GFPT1: variants seen among roughly 807,000 people sequenced by gnomAD.
GFPT1 encodes the protein glutamine--fructose-6-phosphate aminotransferase [isomerizing] 1.
Under a neutral mutation model 92.0 loss-of-function variants are expected in GFPT1, and 40 were observed. The observed-to-expected ratio is 0.43, with a 90% CI of 0.34 to 0.57. GFPT1 has a LOEUF of 0.57. Among genes scored for constraint, GFPT1 ranks in the 20% least tolerant of loss-of-function variants. The pLI is 0.02. For synonymous variants in GFPT1, 269 were observed against 280.6 expected (o/e 0.96, Z 0.41); for missense variants, 448 against 869.1 (o/e 0.52, Z 6.09).
At chr2:69,363,246 A>G (rs930081289) in intron 4 of GFPT1, among the ~76,000 whole-genome samples, 6 of 152,070 alleles carry the variant, frequency 3.9e-5, no homozygotes, top group African/African-American at 1.2e-4. Flanking sequence ...TGAGACTACA[A>G]GCATGCACCA....
chr2:69,364,201 T>G (rs1479723983), intron 3 of GFPT1, among the ~76,000 whole-genome samples: 1 of 151,574 alleles, frequency 6.6e-6, no homozygotes, highest in Non-Finnish European at 1.5e-5. Flanking sequence ...ACCTACTATA[T>G]ACCCACAAAA....
At chr2:69,327,847 A>C (rs1013490606) in intron 18 of GFPT1, among the ~76,000 whole-genome samples, 3 of 152,140 alleles carry the variant, frequency 2.0e-5, no homozygotes, top group African/African-American at 7.2e-5. Context: ...TCATGCCTGT[A>C]ATCCCAGAAC....
intron 12 of GFPT1, 149 bp from the exon 13 acceptor site, chr2:69,342,398 A>G (rs1670974344): frequency 3.1e-6 from 2 of 645,022 alleles, no homozygotes; most frequent in Admixed American, 2.7e-5. Flanking sequence ...GTTCTCTGTA[A>G]TTTTGAAAAG....
At chr2:69,361,174 G>T (rs1671463061) in intron 4 of GFPT1, among the ~76,000 whole-genome samples, 1 of 151,986 alleles carries the variant, frequency 6.6e-6, no homozygotes, top group Non-Finnish European at 1.5e-5. Context: ...CTTGCCGGGT[G>T]CGGTGGCTCA....
intron 1 of GFPT1, among the ~76,000 whole-genome samples, chr2:69,384,236 T>C (rs1324099320): frequency 6.6e-6 from 1 of 152,198 alleles, no homozygotes; most frequent in African/African-American, 2.4e-5. Flanking sequence ...CGCGATTTAA[T>C]ATGTTGCTTC....
chr2:69,330,338 T>C (rs993212309), intron 15 of GFPT1, among the ~76,000 whole-genome samples: 18 of 152,170 alleles, frequency 1.2e-4, no homozygotes, highest in African/African-American at 4.3e-4. Context: ...AAACACCTTA[T>C]AACCCATTGA....
intron 7 of GFPT1, among the ~76,000 whole-genome samples, chr2:69,356,229 G>A (rs1671334519): frequency 6.6e-6 from 1 of 152,014 alleles, no homozygotes; most frequent in East Asian, 1.9e-4. Flanking sequence ...CCTGACCTCA[G>A]ATGATCCGCC....
intron 15 of GFPT1, chr2:69,334,617 G>A (rs574142541): frequency 6.6e-6 from 1 of 152,268 alleles, no homozygotes; most frequent in African/African-American, 2.4e-5. Context: ...CCAATAGTGG[G>A]TCACTAGAAC....
intron 18 of GFPT1, among the ~76,000 whole-genome samples, 196 bp downstream of exon 18, chr2:69,328,075 G>A (rs907597738): frequency 2.2e-4 from 32 of 147,232 alleles, no homozygotes; most frequent in Non-Finnish European, 3.9e-4. Flanking sequence ...CTCCAGGGTG[G>A]GTGACAGAGA....
At position 69,358,159 on chromosome 2, in the gene GFPT1, G is replaced by T. The variant is rs1169338473; in HGVS notation, c.543+170C>A. 2.0e-5 allele frequency among the ~76,000 whole-genome samples: 3 copies of T among 151,514 alleles called. No individual in the cohort carries two copies. The East Asian group carries it at 5.8e-4, about 29-fold the overall frequency. ...TAGAATTTTAAATGGAGGGTGGGGG[G>T]GAATCAATAAATCAATCAGTTTCTC... On this transcript the variant is annotated intron_variant, in intron 6 of 19. Transcript: ENST00000357308.
chr2:69,382,481 G>A (rs1302256768), intron 1 of GFPT1, among the ~76,000 whole-genome samples: 4 of 152,052 alleles, frequency 2.6e-5, no homozygotes, highest in Non-Finnish European at 5.9e-5. Context: ...CACAAACTGA[G>A]ACCCTTCTGC....
chr2:69,343,845 A>T (rs574607074), intron 12 of GFPT1, among the ~76,000 whole-genome samples: 3 of 152,316 alleles, frequency 2.0e-5, no homozygotes, highest in South Asian at 4.1e-4. Flanking sequence ...TCTCTATTTT[A>T]AAAAATTAGC....
intron 18 of GFPT1, 23 bp from the exon 19 acceptor site, chr2:69,327,098 T>TA: frequency 6.2e-7 from 1 of 1,611,568 alleles, no homozygotes; most frequent in Non-Finnish European, 8.5e-7. Flanking sequence ...ATCACACACA[T>TA]ACACAACATC....
intron 9 of GFPT1, among the ~76,000 whole-genome samples, chr2:69,350,748 C>A (rs982213789): frequency 1.3e-5 from 2 of 151,738 alleles, no homozygotes; most frequent in Non-Finnish European, 2.9e-5. Context: ...ACTGAAAATA[C>A]AAAAATTGGC....
chr2:69,360,689 C>T (rs1020476298), intron 4 of GFPT1, among the ~76,000 whole-genome samples: 1 of 152,082 alleles, frequency 6.6e-6, no homozygotes, highest in African/African-American at 2.4e-5. Context: ...CTTCATCCTT[C>T]CAGTGTCTTG....
At chr2:69,378,455 G>A (rs1307187234) in intron 1 of GFPT1, among the ~76,000 whole-genome samples, 1 of 152,258 alleles carries the variant, frequency 6.6e-6, no homozygotes, top group African/African-American at 2.4e-5. Flanking sequence ...CTTCACAAGT[G>A]TAAGCTTTCT....
intron 1 of GFPT1, among the ~76,000 whole-genome samples, chr2:69,386,246 T>G (rs1672125470): frequency 6.6e-6 from 1 of 152,352 alleles, no homozygotes; most frequent in Admixed American, 6.5e-5. Context: ...GGCCTAACCT[T>G]AATTTTTTAA....
At chr2:69,346,062 A>T (rs1441390025) in intron 11 of GFPT1, 63 bp from the exon 12 acceptor site, 1 of 924,312 alleles carries the variant, frequency 1.1e-6, no homozygotes, top group Admixed American at 1.8e-5. Context: ...TTTGTACACA[A>T]CTAAAAGTTT....
Position 69,363,593 on chromosome 2 carries a change from C to A in GFPT1, c.301G>T (p.Glu101Ter). 1.2e-6 allele frequency: 2 copies of A among 1,613,432 alleles called. No individual in the cohort carries two copies. The highest frequency in any genetic ancestry group is 1.7e-6 in the Non-Finnish European group (2 of 1,179,356). ...IAHTRWATHG[E>*]PSPVNSHPQR... ...GGGTGGCTATTGACAGGACTGGGTT[C>A]TCCATGTGTTGCCCAACGGGTATGA... The change falls in exon 4 of 20, where the codon GAA (glutamate) becomes TAA (stop). Residue 101 changes from glutamate to a stop codon, truncating the protein, a stop_gained. Transcript: ENST00000357308. LOFTEE classifies it high-confidence loss of function.
Sources: gnomAD v4.1 joint callset for allele counts (sites outside exome capture counted in the v4.1 genomes callset) on GRCh38, gnomAD v4.1.1 for gene constraint, MANE v1.5 for transcripts, NCBI Gene and HGNC (gene_info 2026-07-23, HGNC 2026-07-21) for gene names.